FAF1: variants seen among roughly 807,000 people sequenced by gnomAD.
The protein encoded by FAF1 is FAS-associated factor 1.
Under a neutral mutation model 92.5 loss-of-function variants are expected in FAF1, and 25 were observed. The observed-to-expected ratio is 0.27, with a 90% CI of 0.20 to 0.38. The LOEUF is 0.38. FAF1 is among the 10% of genes least tolerant of loss of function. The pLI is 1.00. For synonymous variants in FAF1, 234 were observed against 273.2 expected (o/e 0.86, Z 1.42); for missense variants, 636 against 793.3 (o/e 0.80, Z 2.38).
intron 7 of FAF1, among the ~76,000 whole-genome samples, chr1:50,702,271 C>T (rs182041087): frequency 1.3e-5 from 2 of 151,988 alleles, no homozygotes; most frequent in African/African-American, 4.8e-5. Context: ...AACCACAGAT[C>T]TTTAATAGTA....
At chr1:50,906,056 T>G (rs569258657) in intron 1 of FAF1, among the ~76,000 whole-genome samples, 4 of 152,344 alleles carry the variant, frequency 2.6e-5, no homozygotes, top group Middle Eastern at 3.4e-3. Flanking sequence ...AATTTTTGTA[T>G]AAGGTGTAAG....
chr1:50,477,728 T>C (rs576646618), intron 17 of FAF1, among the ~76,000 whole-genome samples: 19 of 152,350 alleles, frequency 1.2e-4, no homozygotes, highest in Non-Finnish European at 2.5e-4. Flanking sequence ...AGTTATTTAT[T>C]TAATGCCTGG....
chr1:50,934,988 G>A (rs1645075199), intron 1 of FAF1, among the ~76,000 whole-genome samples: 1 of 152,078 alleles, frequency 6.6e-6, no homozygotes, highest in African/African-American at 2.4e-5. Context: ...TGATTATGAT[G>A]TGCCTACATG....
chr1:50,845,858 C>G (rs764360396), intron 2 of FAF1, among the ~76,000 whole-genome samples: 18 of 152,166 alleles, frequency 1.2e-4, no homozygotes, highest in African/African-American at 4.3e-4. Context: ...CGTGGTGGCT[C>G]ATGCCTGTAA....
chr1:50,682,873 C>T (rs1384976920), intron 7 of FAF1, among the ~76,000 whole-genome samples: 4 of 151,820 alleles, frequency 2.6e-5, no homozygotes, highest in South Asian at 4.2e-4. Flanking sequence ...GAGGGCGGAT[C>T]ATGAGGTCAG....
chr1:50,917,621 GGAAAAA>G (rs1644927758), intron 1 of FAF1, among the ~76,000 whole-genome samples: 4 of 103,652 alleles, frequency 3.9e-5, no homozygotes, highest in African/African-American at 1.5e-4. Context: ...AAAAGGGAAA[GGAAAAA>G]GGAAAGGAAA....
At chr1:50,895,535 C>T (rs570211712) in intron 1 of FAF1, among the ~76,000 whole-genome samples, 1 of 152,212 alleles carries the variant, frequency 6.6e-6, no homozygotes, top group African/African-American at 2.4e-5. Flanking sequence ...CCAGTGTTAC[C>T]TTGATAGCAA....
chr1:50,773,514 T>A (rs919095406), intron 4 of FAF1, among the ~76,000 whole-genome samples: 5 of 152,224 alleles, frequency 3.3e-5, no homozygotes, highest in Non-Finnish European at 7.3e-5. Context: ...CAAAATTCTG[T>A]CATTTGCAAC....
intron 2 of FAF1, among the ~76,000 whole-genome samples, chr1:50,818,557 C>A (rs1643999884): frequency 6.6e-6 from 1 of 152,144 alleles, no homozygotes; most frequent in Non-Finnish European, 1.5e-5. Context: ...CTTATACATG[C>A]AACAATATGG....
At chr1:50,449,268 T>A (rs981986746) in intron 18 of FAF1, among the ~76,000 whole-genome samples, 1 of 152,110 alleles carries the variant, frequency 6.6e-6, no homozygotes, top group South Asian at 2.1e-4. Flanking sequence ...AAAGCTCAAA[T>A]AGGGGGACAT....
At chr1:50,806,112 A>G (rs183690639) in intron 2 of FAF1, among the ~76,000 whole-genome samples, 1 of 152,202 alleles carries the variant, frequency 6.6e-6, no homozygotes. Context: ...TATTTATAAT[A>G]CATGTATCTG....
At chr1:50,495,505 G>C (rs1018030644) in intron 15 of FAF1, among the ~76,000 whole-genome samples, 2 of 152,026 alleles carry the variant, frequency 1.3e-5, no homozygotes, top group African/African-American at 4.8e-5. Flanking sequence ...TTATCCATTT[G>C]CCTATTGATG....
chr1:50,887,512 CTAA>C lies in FAF1; in HGVS notation c.46-29518_46-29516del, dbSNP rs766487086. On this transcript the variant is annotated intron_variant, in intron 1 of 18. Transcript: ENST00000396153. Reference sequence around the variant, plus strand: ...TTCTAGGGTTTTTATGGTTTTAGGTCTAATAATTAAGTCTTTAATCCATCTTTG... The same window carrying C: ...TTCTAGGGTTTTTATGGTTTTAGGTCTAATTAAGTCTTTAATCCATCTTTG... Among the ~76,000 whole-genome samples, 59 of 152,270 alleles carry C rather than the reference CTAA, an allele frequency of 3.9e-4. 2 individuals carry two copies. The highest frequency in any genetic ancestry group is 6.6e-4 in the Non-Finnish European group (45 of 68,024).
At chr1:50,538,553 CAA>C (rs34003582) in intron 14 of FAF1, among the ~76,000 whole-genome samples, 238 of 77,988 alleles carry the variant, frequency 3.1e-3, no homozygotes, top group African/African-American at 5.5e-3. Context: ...GTAAAAAAGG[CAA>C]AAAAAAAAAA....
chr1:50,565,926 C>T (rs1650158154), intron 13 of FAF1, among the ~76,000 whole-genome samples: 1 of 152,026 alleles, frequency 6.6e-6, no homozygotes, highest in Non-Finnish European at 1.5e-5. Flanking sequence ...GAAAGACCTT[C>T]GATGTGGCAT....
At chr1:50,820,217 A>G (rs1317406295) in intron 2 of FAF1, among the ~76,000 whole-genome samples, 1 of 152,156 alleles carries the variant, frequency 6.6e-6, no homozygotes, top group Non-Finnish European at 1.5e-5. Flanking sequence ...GATTTTTTTC[A>G]CAACAATGTG....
chr1:50,672,915 C>G (rs1187550679), intron 7 of FAF1, among the ~76,000 whole-genome samples: 1 of 151,924 alleles, frequency 6.6e-6, no homozygotes, highest in Non-Finnish European at 1.5e-5. Flanking sequence ...TTTAGGAGTT[C>G]CAGACCAGCC....
chr1:50,773,067 T>C (rs990827032), intron 4 of FAF1, among the ~76,000 whole-genome samples: 1 of 152,198 alleles, frequency 6.6e-6, no homozygotes, highest in African/African-American at 2.4e-5. Flanking sequence ...TTGCTACTTA[T>C]AGACATAAGT....
chr1:50,452,153 C>G (rs374957053), intron 18 of FAF1: 255 of 1,348,478 alleles, frequency 1.9e-4, no homozygotes, highest in South Asian at 1.2e-3. Context: ...ATACAAAGAA[C>G]GAGAACAGGC....
Sources: gnomAD v4.1 joint callset for allele counts (sites outside exome capture counted in the v4.1 genomes callset) on GRCh38, gnomAD v4.1.1 for gene constraint, MANE v1.5 for transcripts, NCBI Gene and HGNC (gene_info 2026-07-23, HGNC 2026-07-21) for gene names.